Variants in MAGI2 observed in about 807,000 individuals in gnomAD.
The protein encoded by MAGI2 is membrane associated guanylate kinase, WW and PDZ domain containing 2.
A neutral mutation model predicts 133.3 loss-of-function variants in MAGI2; 35 were observed. That is an observed-to-expected ratio of 0.26 (90% CI 0.20 to 0.35). MAGI2 has a LOEUF of 0.35. Among genes scored for constraint, MAGI2 ranks in the 10% least tolerant of loss-of-function variants. The pLI is 1.00. For missense variants in MAGI2, 1,636 were observed against 1,863.4 expected, an observed-to-expected ratio of 0.88 and a Z score of 2.25; for synonymous variants, 729 against 710.6, an observed-to-expected ratio of 1.03 and a Z score of -0.41.
At chr7:79,252,176 A>AAG (rs1833342350) in intron 1 of MAGI2, among the ~76,000 whole-genome samples, 1 of 46,034 alleles carries the variant, frequency 2.2e-5, no homozygotes, top group South Asian at 6.6e-4. Flanking sequence ...AAAAAAAAAA[A>AAG]AAGAAGAAGA....
intron 10 of MAGI2, among the ~76,000 whole-genome samples, chr7:78,229,435 G>A (rs563807277): frequency 2.6e-5 from 4 of 152,318 alleles, no homozygotes; most frequent in African/African-American, 4.8e-5. Flanking sequence ...ACTTTGCAAG[G>A]AAATCAGGCT....
intron 21 of MAGI2, among the ~76,000 whole-genome samples, chr7:78,071,066 T>C (rs1011076992): frequency 6.6e-6 from 1 of 152,170 alleles, no homozygotes; most frequent in African/African-American, 2.4e-5. Context: ...AAAAGAAAAA[T>C]GCTTGTTGCA....
At chr7:78,767,903 G>A (rs1285704345) in intron 2 of MAGI2, among the ~76,000 whole-genome samples, 1 of 152,104 alleles carries the variant, frequency 6.6e-6, no homozygotes, top group East Asian at 1.9e-4. Flanking sequence ...GAACTCATCG[G>A]CATCTTAAAT....
chr7:78,095,723 G>A (rs1460633288), intron 20 of MAGI2, among the ~76,000 whole-genome samples: 3 of 152,136 alleles, frequency 2.0e-5, no homozygotes, highest in Non-Finnish European at 2.9e-5. Flanking sequence ...TAAAAATTCT[G>A]TTATCCCAAG....
At chr7:79,310,568 G>A (rs1308106047) in intron 1 of MAGI2, among the ~76,000 whole-genome samples, 1 of 152,134 alleles carries the variant, frequency 6.6e-6, no homozygotes, top group Non-Finnish European at 1.5e-5. Flanking sequence ...AAATTATTGG[G>A]TAAGTATTAA....
intron 9 of MAGI2, among the ~76,000 whole-genome samples, chr7:78,300,321 A>C (rs1004824875): frequency 2.0e-5 from 3 of 152,172 alleles, no homozygotes; most frequent in Non-Finnish European, 2.9e-5. Flanking sequence ...TTTCTATGTA[A>C]TCCTCTGATT....
chr7:79,290,704 T>A (rs1436892976), intron 1 of MAGI2, among the ~76,000 whole-genome samples: 2 of 152,094 alleles, frequency 1.3e-5, no homozygotes, highest in Non-Finnish European at 2.9e-5. Flanking sequence ...TGGTTCTAGA[T>A]GCTGCAAGCA....
intron 2 of MAGI2, among the ~76,000 whole-genome samples, chr7:78,705,494 T>G (rs748668714): frequency 1.3e-5 from 2 of 152,112 alleles, no homozygotes; most frequent in Non-Finnish European, 2.9e-5. Flanking sequence ...TGCTTTTAAT[T>G]CCAGGGTAAA....
At chr7:78,800,015 T>G (rs1787931064) in intron 2 of MAGI2, among the ~76,000 whole-genome samples, 1 of 152,204 alleles carries the variant, frequency 6.6e-6, no homozygotes, top group Non-Finnish European at 1.5e-5. Context: ...ATTTTAACAC[T>G]TTATAGGCAA....
At chr7:78,537,987 G>C (rs1212399175) in intron 3 of MAGI2, among the ~76,000 whole-genome samples, 8 of 152,260 alleles carry the variant, frequency 5.3e-5, no homozygotes, top group South Asian at 4.1e-4. Flanking sequence ...TTAGATTTAA[G>C]TGTTTCTTCT....
chr7:79,452,936 A>G, intron 1 of MAGI2, 84 bp downstream of exon 1: 1 of 1,430,140 alleles, frequency 7.0e-7, no homozygotes, highest in Non-Finnish European at 9.3e-7. Context: ...CACCCCCTTC[A>G]ACATGCGCGG....
At chr7:78,627,266 G>A (rs758306340) in intron 2 of MAGI2, 27 bp from the exon 3 acceptor site, 43 of 1,502,216 alleles carry the variant, frequency 2.9e-5, no homozygotes, top group Non-Finnish European at 3.8e-5. Context: ...AAAAACAAAA[G>A]AAAGACGCTA....
At chr7:79,272,164 A>G (rs1834926629) in intron 1 of MAGI2, among the ~76,000 whole-genome samples, 1 of 152,156 alleles carries the variant, frequency 6.6e-6, no homozygotes, top group Admixed American at 6.6e-5. Flanking sequence ...TTCAACACCA[A>G]GAAATAACAC....
rs575747642 is a variant in MAGI2, at chr7:78,697,850, T to C, written c.419-70611A>G. ...CTCATCCTTAAATGATGAATACACT[T>C]TTTGAAACTCTGAGATATACTATAG... On this transcript the variant is annotated intron_variant, in intron 2 of 21. Transcript: ENST00000354212. Among the ~76,000 whole-genome samples the C allele has an allele frequency of 2.6e-5, 4 of 152,306 alleles. No individual in the cohort carries two copies. The South Asian group carries it at 8.3e-4, about 32-fold the overall frequency.
chr7:79,071,001 T>A (rs545588425), intron 1 of MAGI2, among the ~76,000 whole-genome samples: 17 of 152,292 alleles, frequency 1.1e-4, no homozygotes, highest in African/African-American at 3.1e-4. Context: ...CGAGGAGTTG[T>A]GATCCTTCGA....
At chr7:78,274,465 T>C (rs1794867916) in intron 9 of MAGI2, among the ~76,000 whole-genome samples, 1 of 152,204 alleles carries the variant, frequency 6.6e-6, no homozygotes, top group Non-Finnish European at 1.5e-5. Flanking sequence ...GCTCAAATGC[T>C]GTGCTGGGAG....
At chr7:78,540,214 A>C (rs779238775) in intron 3 of MAGI2, among the ~76,000 whole-genome samples, 4 of 152,180 alleles carry the variant, frequency 2.6e-5, no homozygotes, top group Non-Finnish European at 5.9e-5. Flanking sequence ...GGGCAGGGTT[A>C]GGCCTGTCTG....
At chr7:78,885,628 A>AGTGT (rs61111430) in intron 2 of MAGI2, among the ~76,000 whole-genome samples, 4,051 of 148,950 alleles carry the variant, frequency 0.027, 76 homozygotes, top group Middle Eastern at 0.059. Flanking sequence ...TGAAAGGAAT[A>AGTGT]GTGTGTGTGT....
In MAGI2 at chr7:78,640,670, C is replaced by A. The variant is rs532961554; in HGVS notation, c.419-13431G>T. On this transcript the variant is annotated intron_variant, in intron 2 of 21. Coordinates refer to ENST00000354212, the MANE Select transcript of MAGI2 (RefSeq NM_012301.4). ...CCCAGCAGCTGACTCAGCATCCTAC[C>A]CCTCACGGGGAGCAACTGGCTGGAG... Among the ~76,000 whole-genome samples, 9 of 152,342 alleles carry A rather than the reference C, an allele frequency of 5.9e-5. No individual in the cohort carries two copies. In the East Asian group the frequency reaches 1.7e-3, roughly 29 times the overall value.
Sources: gnomAD v4.1 joint callset for allele counts (sites outside exome capture counted in the v4.1 genomes callset) on GRCh38, gnomAD v4.1.1 for gene constraint, MANE v1.5 for transcripts, NCBI Gene and HGNC (gene_info 2026-07-23, HGNC 2026-07-21) for gene names.